Variants in BCO1 observed in about 807,000 individuals in gnomAD.
BCO1 encodes beta,beta-carotene 15,15'-dioxygenase.
A neutral mutation model predicts 56.3 loss-of-function variants in BCO1; 54 were observed. That is an observed-to-expected ratio of 0.96 (90% CI 0.77 to 1.20). BCO1 has a LOEUF of 1.20. Among genes scored for constraint, BCO1 ranks in the 50% most tolerant of loss-of-function variants. The probability of loss-of-function intolerance (pLI) is 0.00; values close to 1 mark genes in which losing one functional copy is unlikely to be tolerated. For synonymous variants in BCO1, 318 were observed against 266.1 expected (o/e 1.20, Z -1.90); for missense variants, 801 against 690.9 (o/e 1.16, Z -1.79).
rs1478969285 is a variant in BCO1 at position 81,255,904 on chromosome 16, C to A, written c.194-3772C>A. ...TCAGTGGCACGATTTCGGCTCACTG[C>A]AAGCTCCGCCTCCCAGGTTCAAGCA... is the stretch of plus-strand genomic sequence containing the variant. On this transcript the variant is annotated intron_variant, in intron 2 of 10. Transcript: ENST00000258168. Among the ~76,000 whole-genome samples the A allele has an allele frequency of 2.0e-5, 3 of 152,142 alleles. No individual in the cohort carries two copies. The East Asian group carries it at 5.8e-4, about 29-fold the overall frequency.
chr16:81,266,779 C>T (rs191160938), intron 5 of BCO1, among the ~76,000 whole-genome samples: 57 of 152,314 alleles, frequency 3.7e-4, no homozygotes, highest in Non-Finnish European at 2.1e-4. Context: ...GCACCTGCTC[C>T]ATGCTGGCGG....
chr16:81,282,354 C>T (rs1304411135), intron 8 of BCO1, among the ~76,000 whole-genome samples: 2 of 152,164 alleles, frequency 1.3e-5, no homozygotes, highest in Admixed American at 6.5e-5. Context: ...GCACTCCAGC[C>T]TGGGCAACAG....
At chr16:81,257,325 C>T (rs1355420423) in intron 2 of BCO1, among the ~76,000 whole-genome samples, 4 of 151,976 alleles carry the variant, frequency 2.6e-5, no homozygotes, top group Admixed American at 2.0e-4. Flanking sequence ...AGGGCAGTGG[C>T]GCGATCTCGG....
At chr16:81,275,077 AAGTC>A (rs1325882871) in intron 7 of BCO1, among the ~76,000 whole-genome samples, 2 of 152,218 alleles carry the variant, frequency 1.3e-5, no homozygotes, top group South Asian at 2.1e-4. Flanking sequence ...TGAAATCAGA[AAGTC>A]AGGCAGGTGG....
intron 7 of BCO1, among the ~76,000 whole-genome samples, chr16:81,274,053 A>C (rs1357228665): frequency 6.6e-6 from 1 of 152,176 alleles, no homozygotes; most frequent in African/African-American, 2.4e-5. Flanking sequence ...GCAGCCCCTC[A>C]GACTTTCTCC....
At chr16:81,260,174 C>A (rs1417863756) in intron 3 of BCO1, among the ~76,000 whole-genome samples, 2 of 151,998 alleles carry the variant, frequency 1.3e-5, no homozygotes, top group Non-Finnish European at 2.9e-5. Flanking sequence ...TGAAAACAAC[C>A]CAAATGTTCA....
At chr16:81,271,406 T>C (rs1156398750) in intron 7 of BCO1, among the ~76,000 whole-genome samples, 1 of 152,280 alleles carries the variant, frequency 6.6e-6, no homozygotes, top group Non-Finnish European at 1.5e-5. Flanking sequence ...TGAGCCACCA[T>C]GCCTGGCCTA....
At chr16:81,245,138 C>A (rs1376108552) in intron 1 of BCO1, among the ~76,000 whole-genome samples, 3 of 152,096 alleles carry the variant, frequency 2.0e-5, no homozygotes, top group Non-Finnish European at 4.4e-5. Flanking sequence ...GTGATCCACC[C>A]ACCTAGGCTT....
At chr16:81,242,412 G>T (rs1008658639) in intron 1 of BCO1, among the ~76,000 whole-genome samples, 1 of 151,948 alleles carries the variant, frequency 6.6e-6, no homozygotes, top group African/African-American at 2.4e-5. Context: ...TATTGGCCAG[G>T]CTAGTCTCAA....
chr16:81,272,507 C>G (rs886442898), intron 7 of BCO1, among the ~76,000 whole-genome samples: 3 of 152,204 alleles, frequency 2.0e-5, no homozygotes, highest in Admixed American at 2.0e-4. Context: ...TTTGCCTAAT[C>G]GTTCATGGCA....
chr16:81,246,672 G>A (rs957391471), intron 2 of BCO1, among the ~76,000 whole-genome samples: 1 of 151,766 alleles, frequency 6.6e-6, no homozygotes, highest in Non-Finnish European at 1.5e-5. Flanking sequence ...CCAACATAGC[G>A]AAACCCCATC....
In BCO1 at chr16:81,262,159, C is replaced by G; in HGVS notation, c.347C>G (p.Thr116Ser). 1 of 1,613,994 alleles carries G rather than the reference C, an allele frequency of 6.2e-7. No homozygotes were observed. The highest frequency in any genetic ancestry group is 8.5e-7 in the Non-Finnish European group (1 of 1,179,986). ...FSKAFSYLSH[T>S]IPDFTDNCLI... is the part of the protein sequence containing the mutation. The stretch of plus-strand genomic sequence containing the variant: ...AGAGCTTTCTCCTACTTGTCTCACA[C>G]CATCCCCGATTTCACCGACAACTGC... Residue 116 changes from threonine to serine, a missense_variant, in exon 4 of 11, where the codon ACC becomes AGC. Transcript: ENST00000258168.
Position 81,238,788 on chromosome 16 carries a change from G to T in BCO1, c.-121G>T, listed in dbSNP as rs1032607447. The T allele has an allele frequency of 9.2e-6, 8 of 871,028 alleles. No individual in the cohort carries two copies. The highest frequency in any genetic ancestry group is 1.6e-5 in the Non-Finnish European group (8 of 514,998). 54.0% of individuals were successfully genotyped at this position (871,028 alleles called of 1,614,324 possible). On this transcript the variant is annotated 5_prime_UTR_variant, in exon 1 of 11. It removes an upstream start codon present in the reference 5' UTR. Coordinates refer to ENST00000258168, the MANE Select transcript of BCO1 (RefSeq NM_017429.3). The stretch of plus-strand genomic sequence containing the variant: ...AAACGGCATCAGGAGAGACAGAGAT[G>T]TGAAGGAGGGAAGGAGCAGGAGAGC...
chr16:81,266,060 G>C (rs1439521486), intron 5 of BCO1, among the ~76,000 whole-genome samples: 1 of 151,364 alleles, frequency 6.6e-6, no homozygotes, highest in Non-Finnish European at 1.5e-5. Context: ...CATCCATTCA[G>C]TTTTTCAGTC....
At chr16:81,271,621 G>A (rs1040872739) in intron 7 of BCO1, among the ~76,000 whole-genome samples, 5 of 152,136 alleles carry the variant, frequency 3.3e-5, no homozygotes, top group East Asian at 3.9e-4. Flanking sequence ...TAGACATCAC[G>A]TATAAATGGA....
In BCO1 at chr16:81,259,719, C is replaced by T; in HGVS notation, c.237C>T (p.Tyr79=). 6.2e-7 allele frequency: 1 copy of T among 1,614,198 alleles called. No homozygotes were observed. Among genetic ancestry groups the T allele is most frequent in the South Asian group, 1.1e-5 (1 of 91,088 alleles). The change falls in exon 3 of 11, where the codon TAC becomes TAT. Residue 79 remains tyrosine (Y), a synonymous_variant. Coordinates refer to ENST00000258168, the MANE Select transcript of BCO1 (RefSeq NM_017429.3). ...YRSKYLRSDT[Y]NTNIEANRIV... ...GCAAATACCTGAGAAGCGATACCTA[C>T]AACACCAATATTGAGGCAAACAGGA...
At chr16:81,264,115 G>C in intron 4 of BCO1, 1 of 179,596 alleles carries the variant, frequency 5.6e-6, no homozygotes, top group Non-Finnish European at 1.2e-5. Context: ...TTGACCAAAT[G>C]TTTTTGTAAC....
intron 1 of BCO1, among the ~76,000 whole-genome samples, chr16:81,242,691 G>A (rs955410347): frequency 6.6e-6 from 1 of 152,048 alleles, no homozygotes; most frequent in Non-Finnish European, 1.5e-5. Context: ...ACCATGGGTG[G>A]AGACAACCTT....
chr16:81,250,195 C>G (rs1905704107), intron 2 of BCO1, among the ~76,000 whole-genome samples: 1 of 152,164 alleles, frequency 6.6e-6, no homozygotes, highest in Non-Finnish European at 1.5e-5. Context: ...GTCACTTACC[C>G]AGAAGCACAC....
Sources: allele counts gnomAD v4.1 joint callset (sites outside exome capture counted in the v4.1 genomes callset), GRCh38; gene constraint gnomAD v4.1.1; transcripts MANE v1.5; gene names NCBI Gene and HGNC (gene_info 2026-07-23, HGNC 2026-07-21).